CEP126: variants seen among roughly 807,000 people sequenced by gnomAD.
CEP126 encodes the protein centrosomal protein 126.
CEP126 carries 74 observed loss-of-function variants against 107.8 expected under a neutral mutation model. The ratio of observed to expected loss-of-function variants is 0.69; its 90% CI spans 0.57 to 0.83. The LOEUF is 0.83. Ranked by LOEUF, CEP126 falls within the 40% of genes least tolerant of loss-of-function variation. CEP126 has a pLI of 0.00. For missense variants in CEP126, 1,237 were observed against 1,281.9 expected (o/e 0.96, Z 0.53); for synonymous variants, 449 against 446.0 (o/e 1.01, Z -0.08).
intron 6 of CEP126, among the ~76,000 whole-genome samples, chr11:101,966,354 G>C (rs958083596): frequency 6.6e-6 from 1 of 152,062 alleles, no homozygotes. Context: ...GCATTTGTGG[G>C]ATTTTTTTTC....
chr11:101,962,856 A>C lies in CEP126; in HGVS notation c.1821A>C (p.Ala607=). The stretch of plus-strand genomic sequence containing the variant: ...TTAAGTTTGGAAATCAAAAAGCAGC[A>C]GCTATCAGAGATAGTATTGAATTAA... ...QSFKFGNQKA[A]AIRDSIELTK... is the part of the protein sequence containing the mutation. The change falls in exon 6 of 11, where the codon GCA becomes GCC. Residue 607 remains alanine (A), a synonymous_variant. Transcript: ENST00000263468. The C allele has an allele frequency of 6.2e-7, 1 of 1,606,002 alleles. No individual in the cohort carries two copies. The highest frequency in any genetic ancestry group is 8.5e-7 in the Non-Finnish European group (1 of 1,178,140).
At chr11:101,993,388 T>C (rs1003150653) in intron 10 of CEP126, among the ~76,000 whole-genome samples, 2 of 152,200 alleles carry the variant, frequency 1.3e-5, no homozygotes, top group Non-Finnish European at 2.9e-5. Flanking sequence ...AAGGACATGA[T>C]CTTGGTCTTT....
At chr11:101,950,002 C>A (rs1940788828) in intron 4 of CEP126, among the ~76,000 whole-genome samples, 1 of 152,182 alleles carries the variant, frequency 6.6e-6, no homozygotes, top group Non-Finnish European at 1.5e-5. Flanking sequence ...CCTTCTGGTA[C>A]CTTCCACTGG....
intron 9 of CEP126, among the ~76,000 whole-genome samples, chr11:101,989,346 T>C (rs974980541): frequency 1.3e-5 from 2 of 152,174 alleles, no homozygotes; most frequent in Non-Finnish European, 2.9e-5. Flanking sequence ...GACTGTCTAG[T>C]GCATCGTAAC....
At chr11:101,941,281 T>C (rs1211493551) in intron 2 of CEP126, among the ~76,000 whole-genome samples, 4 of 152,162 alleles carry the variant, frequency 2.6e-5, no homozygotes, top group African/African-American at 9.6e-5. Context: ...TCTGTACCCA[T>C]TAAGCACTAA....
chr11:101,966,171 C>T lies in CEP126; in HGVS notation c.2845+2291C>T, dbSNP rs559808654. On this transcript the variant is annotated intron_variant, in intron 6 of 10. Coordinates refer to ENST00000263468, the MANE Select transcript of CEP126 (RefSeq NM_020802.4). ...TCTTAAATGTTCTTAAATATTCACA[C>T]TGTTGTAAATATCTATACCTATTAA... 4.7e-4 allele frequency among the ~76,000 whole-genome samples: 71 copies of T among 152,222 alleles called. 1 individual carries two copies. Among genetic ancestry groups the T allele is most frequent in the African/African-American group, 1.6e-3 (68 of 41,550 alleles).
chr11:101,973,008 C>T (rs1216635186), intron 6 of CEP126, among the ~76,000 whole-genome samples: 1 of 152,180 alleles, frequency 6.6e-6, no homozygotes, highest in Non-Finnish European at 1.5e-5. Context: ...TTCATTGCTG[C>T]AATCACATTC....
At position 101,998,544 on chromosome 11, in the gene CEP126, T is replaced by C. The variant is rs1325591474; in HGVS notation, c.*901T>C. ...GGGAGGTTGAGGCTGCAGTGAGCTG[T>C]GTTTCGCCACTGCACACCAGCCTGG... On this transcript the variant is annotated 3_prime_UTR_variant, in exon 11 of 11. Transcript: ENST00000263468. 1.5e-5 allele frequency: 2 copies of C among 130,664 alleles called. No individual in the cohort carries two copies. Among genetic ancestry groups the C allele is most frequent in the Non-Finnish European group, 3.0e-5 (2 of 65,686 alleles). 8.1% of individuals were successfully genotyped at this position (130,664 alleles called of 1,614,324 possible).
intron 2 of CEP126, among the ~76,000 whole-genome samples, chr11:101,936,735 C>A (rs577409498): frequency 6.6e-6 from 1 of 152,278 alleles, no homozygotes; most frequent in East Asian, 1.9e-4. Context: ...AAAGTTTCCT[C>A]TCATTCCTAG....
chr11:101,944,132 A>G, intron 2 of CEP126, 133 bp from the exon 3 acceptor site: 1 of 847,002 alleles, frequency 1.2e-6, no homozygotes, highest in Non-Finnish European at 1.7e-6. Context: ...CTGTTTTAAA[A>G]AATTTAAAAT....
Position 101,963,092 on chromosome 11 carries a change from C to T in CEP126, c.2057C>T (p.Thr686Ile). The T allele has an allele frequency of 6.2e-7, 1 of 1,614,082 alleles. No homozygotes were observed. Among genetic ancestry groups the T allele is most frequent in the Non-Finnish European group, 8.5e-7 (1 of 1,179,974 alleles). Reference protein sequence around the residue: ...VSTCAVNSADTKKSREDSISE... With the variant: ...VSTCAVNSADIKKSREDSISE... Reference sequence around the variant, plus strand: ...ACTTGTGCTGTAAATTCTGCTGATACAAAGAAGTCCAGGGAGGATTCTATC... The same window carrying T: ...ACTTGTGCTGTAAATTCTGCTGATATAAAGAAGTCCAGGGAGGATTCTATC... Residue 686 changes from threonine (T) to isoleucine (I), a missense_variant, in exon 6 of 11, where the codon ACA becomes ATA. By Grantham distance (89) the Thr-to-Ile change is moderately conservative (BLOSUM62 -1). This residue lies in a region of CEP126 where 1,134 missense variants were observed against 1,150.5 expected (regional missense o/e 0.99). Transcript: ENST00000263468.
At position 101,944,384 on chromosome 11, in the gene CEP126, T is replaced by C; in HGVS notation, c.368T>C (p.Val123Ala). The change falls in exon 3 of 11, where the codon GTT (valine) becomes GCT (alanine). Residue 123 changes from valine (V) to alanine (A), a missense_variant. Physicochemically the swap from Val to Ala is moderately conservative, Grantham distance 64. Transcript: ENST00000263468. ...EVTEKFQRAH[V>A]PLSQRRKAVS... ...ACTGAAAAATTCCAGCGTGCCCATG[T>C]TCCTCTTTCACAGCGGAGGAAAGCA... is the stretch of plus-strand genomic sequence containing the variant. The C allele has an allele frequency of 1.2e-6, 2 of 1,611,304 alleles. No homozygotes were observed. The highest frequency in any genetic ancestry group is 1.7e-5 in the Admixed American group (1 of 59,440).
At chr11:101,979,053 A>T (rs1941225656) in intron 7 of CEP126, among the ~76,000 whole-genome samples, 1 of 151,772 alleles carries the variant, frequency 6.6e-6, no homozygotes, top group African/African-American at 2.4e-5. Flanking sequence ...AATTGCTTGA[A>T]CCTGGGAGGC....
intron 9 of CEP126, among the ~76,000 whole-genome samples, chr11:101,988,199 A>G (rs1026337852): frequency 6.6e-6 from 1 of 152,202 alleles, no homozygotes; most frequent in Non-Finnish European, 1.5e-5. Flanking sequence ...GAAACTATAA[A>G]GAAAGAGCAA....
chr11:101,967,901 C>T (rs1941076403), intron 6 of CEP126, among the ~76,000 whole-genome samples: 1 of 152,048 alleles, frequency 6.6e-6, no homozygotes, highest in Non-Finnish European at 1.5e-5. Context: ...ACATACAGGG[C>T]TGCCACAAAT....
At chr11:101,922,913 T>C (rs1274721385) in intron 2 of CEP126, among the ~76,000 whole-genome samples, 153 bp downstream of exon 2, 3 of 152,222 alleles carry the variant, frequency 2.0e-5, no homozygotes, top group African/African-American at 7.2e-5. Flanking sequence ...AATTTTATTA[T>C]TGTTTTCCTT....
At chr11:101,931,207 T>G (rs1265944024) in intron 2 of CEP126, among the ~76,000 whole-genome samples, 2 of 152,198 alleles carry the variant, frequency 1.3e-5, no homozygotes, top group Non-Finnish European at 2.9e-5. Flanking sequence ...ATGAGATACT[T>G]TTATATTTTT....
At chr11:101,958,793 AT>A (rs1940934325) in intron 5 of CEP126, among the ~76,000 whole-genome samples, 1 of 152,200 alleles carries the variant, frequency 6.6e-6, no homozygotes, top group African/African-American at 2.4e-5. Flanking sequence ...AATTATGCAC[AT>A]TTATGAGATT....
intron 2 of CEP126, among the ~76,000 whole-genome samples, chr11:101,926,951 A>C (rs1940420988): frequency 6.6e-6 from 1 of 152,166 alleles, no homozygotes; most frequent in Admixed American, 6.5e-5. Flanking sequence ...GTAACAGTTA[A>C]GTTTGGTGAG....
Sources: gnomAD v4.1 joint callset for allele counts (sites outside exome capture counted in the v4.1 genomes callset) on GRCh38, gnomAD v4.1.1 for gene constraint, gnomAD v4.1.1 regional missense constraint, MANE v1.5 for transcripts, NCBI Gene and HGNC (gene_info 2026-07-23, HGNC 2026-07-21) for gene names.